Variants in PLXNB3 observed in about 807,000 individuals in gnomAD.
PLXNB3 encodes the protein plexin B3.
PLXNB3 carries 80 observed loss-of-function variants against 125.7 expected under a neutral mutation model. The ratio of observed to expected loss-of-function variants is 0.64; its 90% confidence interval spans 0.53 to 0.77. The LOEUF is 0.77. Among genes scored for constraint, PLXNB3 ranks in the 30% least tolerant of loss-of-function variants. The pLI, the probability that PLXNB3 is intolerant of heterozygous loss-of-function variation, is 0.00. For synonymous variants in PLXNB3, 954 were observed against 783.3 expected (o/e 1.22, Z -3.64); for missense variants, 1,836 against 1,729.3 (o/e 1.06, Z -1.09).
In PLXNB3 at chrX:153,771,989, G is replaced by C. The variant is rs781951810; in HGVS notation, c.2643G>C (p.Glu881Asp). ...VSVASRPCNP[E>D]PSLYRTSARI... is the part of the protein sequence containing the mutation. Reference sequence around the variant, plus strand: ...TGGCCAGCCGGCCCTGCAACCCTGAGCCCTCTCTCTACCGCACGTCGGCCC... The same window carrying C: ...TGGCCAGCCGGCCCTGCAACCCTGACCCCTCTCTCTACCGCACGTCGGCCC... The change falls in exon 15 of 36, where the codon GAG (glutamate) becomes GAC (aspartate). Residue 881 changes from glutamate to aspartate, a missense_variant. By Grantham distance (45) the Glu-to-Asp change is conservative. Coordinates refer to ENST00000361971, the MANE Select transcript of PLXNB3 (RefSeq NM_005393.3). The C allele has an allele frequency of 8.3e-7, 1 of 1,202,853 alleles. No homozygotes were observed. The highest frequency in any genetic ancestry group is 1.1e-6 in the Non-Finnish European group (1 of 891,299).
Position 153,778,149 on chromosome X carries a change from A to C in PLXNB3, c.5409+54A>C, listed in dbSNP as rs782057446. 1.9e-5 allele frequency: 23 copies of C among 1,200,593 alleles called. No homozygotes were observed. In the African/African-American group the frequency reaches 3.9e-4, roughly 20 times the overall value. On this transcript the variant is annotated intron_variant, in intron 32 of 35. Transcript: ENST00000361971. The stretch of plus-strand genomic sequence containing the variant: ...GCAGGGGCTTGAGGAGGAAAGGCTT[A>C]TGGGGGAAGCCTAGAGGGCTGTGCA...
intron 31 of PLXNB3, 59 bp downstream of exon 31, chrX:153,777,747 C>T: frequency 8.7e-7 from 1 of 1,151,108 alleles, no homozygotes; most frequent in Non-Finnish European, 1.2e-6. Context: ...CCCAGAGAGA[C>T]CAGGACATTC....
In PLXNB3 at chrX:153,767,535, G is replaced by T; in HGVS notation, c.708G>T (p.Gly236=). ...CCGACTACAACAACAGCTACGTCGG[G>T]GCCTTTGCCGACGCCCGCTCCGCCT... ...DFSDYNNSYV[G]AFADARSAYF... Residue 236 remains glycine (G), a synonymous_variant, in exon 3 of 36, where the codon GGG becomes GGT. Coordinates refer to ENST00000361971, the MANE Select transcript of PLXNB3 (RefSeq NM_005393.3). The T allele has an allele frequency of 8.5e-7, 1 of 1,176,490 alleles. No individual in the cohort carries two copies. The highest frequency in any genetic ancestry group is 1.1e-6 in the Non-Finnish European group (1 of 878,093).
rs782096849 is a variant in PLXNB3, at chrX:153,768,688, G to C, written c.1266+260G>C. ...CTGGTGACCTTCCTGTCTCCCCATA[G>C]CTGCCCTCCCACCTGGCAGAACTGT... On this transcript the variant is annotated intron_variant, in intron 4 of 35. Transcript: ENST00000361971. Among the ~76,000 whole-genome samples the C allele has an allele frequency of 7.1e-5, 8 of 112,337 alleles. No individual in the cohort carries two copies. The South Asian group carries it at 2.6e-3, about 36-fold the overall frequency.
At chrX:153,772,057 G>C (rs781977534) in intron 15 of PLXNB3, 42 bp downstream of exon 15, 2 of 1,162,245 alleles carry the variant, frequency 1.7e-6, no homozygotes, top group Non-Finnish European at 2.3e-6. Flanking sequence ...GAGGCCCTCA[G>C]AGATGGCCAC....
rs782413786 is a variant in PLXNB3 at position 153,771,941 on chromosome X, C to T, written c.2595C>T (p.Ala865=). Residue 865 remains alanine (A), a synonymous_variant, in exon 15 of 36, where the codon GCC becomes GCT. Coordinates refer to ENST00000361971, the MANE Select transcript of PLXNB3 (RefSeq NM_005393.3). ...ILGSNLGRAF[A]DVQYAVSVAS... ...GCTCCAACCTGGGCCGGGCCTTCGC[C>T]GATGTGCAGTACGCCGTGAGCGTGG... 19 of 1,208,806 alleles carry T rather than the reference C, an allele frequency of 1.6e-5. No individual in the cohort carries two copies. The highest frequency in any genetic ancestry group is 1.9e-5 in the Non-Finnish European group (17 of 895,047).
At chrX:153,772,725 G>T in intron 16 of PLXNB3, 161 bp from the exon 17 acceptor site, 1 of 1,038,761 alleles carries the variant, frequency 9.6e-7, no homozygotes, top group Non-Finnish European at 1.2e-6. Flanking sequence ...GCTGGCCAGT[G>T]TGCAGTGGCC....
chrX:153,771,858 C>T lies in PLXNB3; in HGVS notation c.2518-6C>T, dbSNP rs1368806752. 2 of 1,205,860 alleles carry T rather than the reference C, an allele frequency of 1.7e-6. No individual in the cohort carries two copies. The highest frequency in any genetic ancestry group is 2.2e-6 in the Non-Finnish European group (2 of 893,720). On this transcript the variant is annotated splice_region_variant and splice_polypyrimidine_tract_variant and intron_variant, in intron 14 of 35. Transcript: ENST00000361971. ...GACCCCATCTGCCATCATTTGCCTGCTGCAGGTCGAGCCCCTGACCGGTCC... is the reference window on the plus strand; with the variant it reads ...GACCCCATCTGCCATCATTTGCCTGTTGCAGGTCGAGCCCCTGACCGGTCC...
rs2091965495 is a variant in PLXNB3 at position 153,774,523 on chromosome X, G to A, written c.3782G>A (p.Gly1261Asp). 1 of 1,207,241 alleles carries A rather than the reference G, an allele frequency of 8.3e-7. No individual in the cohort carries two copies. Among genetic ancestry groups the A allele is most frequent in the Non-Finnish European group, 1.1e-6 (1 of 893,882 alleles). ...GAGGCCCAGGCAGGCGTGGGCATGG[G>A]TGCTGCAGTGCTGATTGCCGCCGTG... ...PVEAQAGVGMGAAVLIAAVLL... is the reference protein window; with the variant it reads ...PVEAQAGVGMDAAVLIAAVLL... Residue 1261 changes from glycine to aspartate, a missense_variant, in exon 22 of 36, where the codon GGT becomes GAT. Gly to Asp is a moderately conservative substitution (Grantham distance 94, BLOSUM62 -1). Coordinates refer to ENST00000361971, the MANE Select transcript of PLXNB3 (RefSeq NM_005393.3).
Position 153,776,027 on chromosome X carries a change from GC to G in PLXNB3, c.4546del (p.Leu1516Ter). ...RLLREDVEFQ[P>X]LTLMVLVGPG... is the part of the protein sequence containing the mutation. Reference sequence around the variant, plus strand: ...TGCTGCGGGAGGACGTGGAGTTCCAGCCCCTGACGCTGATGGTGCTGGTGGG... The same window carrying G: ...TGCTGCGGGAGGACGTGGAGTTCCAGCCCTGACGCTGATGGTGCTGGTGGG... On this transcript the variant is annotated frameshift_variant, in exon 27 of 36. Coordinates refer to ENST00000361971, the MANE Select transcript of PLXNB3 (RefSeq NM_005393.3). LOFTEE classifies it high-confidence loss of function. 1 of 1,204,593 alleles carries G rather than the reference GC, an allele frequency of 8.3e-7. No individual in the cohort carries two copies. The highest frequency in any genetic ancestry group is 1.1e-6 in the Non-Finnish European group (1 of 892,097).
In PLXNB3 at chrX:153,773,928, G is replaced by GC; in HGVS notation, c.3352dup (p.His1118ProfsTer127). 8.3e-7 allele frequency: 1 copy of GC among 1,211,203 alleles called. No homozygotes were observed. Among genetic ancestry groups the GC allele is most frequent in the Non-Finnish European group, 1.1e-6 (1 of 895,382 alleles). On this transcript the variant is annotated frameshift_variant, in exon 20 of 36. Coordinates refer to ENST00000361971, the MANE Select transcript of PLXNB3 (RefSeq NM_005393.3). LOFTEE classifies it high-confidence loss of function. ...CCGGAGCCCTGCTGTACCAGACAGA[G>GC]CCCACCCGCAGCGGGTCTTCTTCAC...
chrX:153,770,543 G>C lies in PLXNB3; in HGVS notation c.1911G>C (p.Val637=), dbSNP rs782664242. The part of the protein sequence containing the change: ...LEAAAPCRAC[V]GSIWRCHWCP... ...GCCCCTCTAGGTGTCGCGCTTGCGTGGGCAGCATCTGGCGGTGTCACTGGT... is the reference window on the plus strand; with the variant it reads ...GCCCCTCTAGGTGTCGCGCTTGCGTCGGCAGCATCTGGCGGTGTCACTGGT... Residue 637 remains valine (V), a synonymous_variant, in exon 10 of 36, where the codon GTG becomes GTC. Coordinates refer to ENST00000361971, the MANE Select transcript of PLXNB3 (RefSeq NM_005393.3). 7 of 1,210,343 alleles carry C rather than the reference G, an allele frequency of 5.8e-6. No individual in the cohort carries two copies. The South Asian group carries it at 1.2e-4, about 21-fold the overall frequency.
chrX:153,777,796 C>T (rs1273651527), intron 31 of PLXNB3, 108 bp downstream of exon 31: 1 of 1,081,338 alleles, frequency 9.2e-7, no homozygotes, highest in Non-Finnish European at 1.2e-6. Context: ...CTGGAACTTA[C>T]AGGAAGATCT....
Position 153,769,228 on chromosome X carries a change from G to T in PLXNB3, c.1462G>T (p.Asp488Tyr). Reference protein sequence around the residue: ...PDCASCLQAQDPLCGWCVLQG... With the variant: ...PDCASCLQAQYPLCGWCVLQG... ...CTGTGCCAGCTGCCTCCAGGCCCAGGACCCGCTGTGTGGCTGGTGTGTCCT... is the reference window on the plus strand; with the variant it reads ...CTGTGCCAGCTGCCTCCAGGCCCAGTACCCGCTGTGTGGCTGGTGTGTCCT... The change falls in exon 6 of 36, where the codon GAC becomes TAC. Residue 488 changes from aspartate (D) to tyrosine (Y), a missense_variant. By Grantham distance (160) the Asp-to-Tyr change is radical. Transcript: ENST00000361971. 8.5e-7 allele frequency: 1 copy of T among 1,174,625 alleles called. No homozygotes were observed. Among genetic ancestry groups the T allele is most frequent in the South Asian group, 1.9e-5 (1 of 53,254 alleles).
chrX:153,776,195 A>T lies in PLXNB3; in HGVS notation c.4710A>T (p.Ser1570=), dbSNP rs1557064130. The T allele has an allele frequency of 8.5e-7, 1 of 1,182,548 alleles. No individual in the cohort carries two copies. The highest frequency in any genetic ancestry group is 2.3e-5 in the Admixed American group (1 of 44,390). ...YKGTPFSQRP[S]VHALDLEWRS... ...GCACCCCCTTCTCCCAGAGGCCCTC[A>T]GTGCATGCCCTAGACCTTGGTGAGA... The change falls in exon 27 of 36, where the codon TCA becomes TCT. Residue 1570 remains serine, a synonymous_variant. Coordinates refer to ENST00000361971, the MANE Select transcript of PLXNB3 (RefSeq NM_005393.3).
intron 34 of PLXNB3, 24 bp from the exon 35 acceptor site, chrX:153,778,575 GC>G: frequency 8.4e-7 from 1 of 1,185,230 alleles, no homozygotes; most frequent in South Asian, 1.8e-5. Flanking sequence ...GGACCTCACT[GC>G]CCCCCTCCAC....
rs201702238 is a variant in PLXNB3 at position 153,772,228 on chromosome X, G to T, written c.2716G>T (p.Val906Phe). 8.3e-7 allele frequency: 1 copy of T among 1,203,947 alleles called. No homozygotes were observed. The highest frequency in any genetic ancestry group is 1.8e-5 in the African/African-American group (1 of 55,775). The change falls in exon 16 of 36, where the codon GTC (valine) becomes TTC (phenylalanine). Residue 906 changes from valine to phenylalanine, a missense_variant. By Grantham distance (50) the Val-to-Phe change is conservative. Transcript: ENST00000361971. ...TGCCCCCAATGGCACCACTGGGCCC[G>T]TCCGGGTGGCCATTAAGAGCCAGCC... Reference protein sequence around the residue: ...SPAPNGTTGPVRVAIKSQPPG... With the variant: ...SPAPNGTTGPFRVAIKSQPPG...
In PLXNB3 at chrX:153,776,478, C is replaced by T. The variant is rs376066405; in HGVS notation, c.4833+19C>T. 636 of 482,064 alleles carry T rather than the reference C, an allele frequency of 1.3e-3. No homozygotes were observed. The highest frequency in any genetic ancestry group is 1.9e-3 in the Non-Finnish European group (582 of 308,277). 39.7% of individuals were successfully genotyped at this position (482,064 alleles called of 1,213,427 possible). On this transcript the variant is annotated intron_variant, in intron 28 of 35. Coordinates refer to ENST00000361971, the MANE Select transcript of PLXNB3 (RefSeq NM_005393.3). Reference sequence around the variant, plus strand: ...CTACAAGGTGTGAGCAGGGACGGGGCGAGGCAGGGCGGGGCTGGGGCGGGG... The same window carrying T: ...CTACAAGGTGTGAGCAGGGACGGGGTGAGGCAGGGCGGGGCTGGGGCGGGG...
At position 153,771,297 on chromosome X, in the gene PLXNB3, A is replaced by G. The variant is rs1316842307; in HGVS notation, c.2254-13A>G. 2.5e-6 allele frequency: 3 copies of G among 1,192,294 alleles called. No individual in the cohort carries two copies. Among genetic ancestry groups the G allele is most frequent in the Non-Finnish European group, 3.4e-6 (3 of 879,808 alleles). On this transcript the variant is annotated splice_polypyrimidine_tract_variant and intron_variant, in intron 12 of 35. Transcript: ENST00000361971. ...GAGTGGGCACCCAGCCTGACCCCACACTCTGCCCACAGTTTTATCCCTCCA... is the reference window on the plus strand; with the variant it reads ...GAGTGGGCACCCAGCCTGACCCCACGCTCTGCCCACAGTTTTATCCCTCCA...
Sources: gnomAD v4.1 joint callset for allele counts (sites outside exome capture counted in the v4.1 genomes callset) on GRCh38, gnomAD v4.1.1 for gene constraint, MANE v1.5 for transcripts, NCBI Gene and HGNC (gene_info 2026-07-23, HGNC 2026-07-21) for gene names.